The following CRTC3 variants were observed in gnomAD, a reference collection of about 807,000 sequenced individuals.
CRTC3 encodes the protein CREB regulated transcription coactivator 3.
Under a neutral mutation model 74.5 loss-of-function variants are expected in CRTC3, and 26 were observed. The observed-to-expected ratio is 0.35, with a 90% CI of 0.26 to 0.48. CRTC3 has a LOEUF of 0.48. Among genes scored for constraint, CRTC3 ranks in the 20% least tolerant of loss-of-function variants. The pLI, the probability that CRTC3 is intolerant of heterozygous loss-of-function variation, is 0.99. For synonymous variants in CRTC3, 377 were observed against 325.8 expected (o/e 1.16, Z -1.69); for missense variants, 760 against 787.3 (o/e 0.97, Z 0.41).
chr15:90,592,998 C>T (rs555965748), intron 2 of CRTC3, among the ~76,000 whole-genome samples: 6 of 152,056 alleles, frequency 3.9e-5, no homozygotes, highest in Middle Eastern at 3.2e-3. Context: ...ACTAAAAATA[C>T]AAAAATTAGC....
At chr15:90,592,684 A>G (rs575999618) in intron 2 of CRTC3, among the ~76,000 whole-genome samples, 1 of 152,322 alleles carries the variant, frequency 6.6e-6, no homozygotes, top group East Asian at 1.9e-4. Context: ...TTTACATAGC[A>G]TTCCTTTTTT....
chr15:90,590,029 G>A (rs1238943313), intron 2 of CRTC3, among the ~76,000 whole-genome samples: 5 of 151,288 alleles, frequency 3.3e-5, no homozygotes, highest in African/African-American at 1.2e-4. Context: ...AGTGGCTCAT[G>A]CCTGTAATCC....
At chr15:90,539,673 A>G in intron 1 of CRTC3, 2 of 263,076 alleles carry the variant, frequency 7.6e-6, no homozygotes, top group Non-Finnish European at 1.5e-5. Flanking sequence ...GGAAAAGAGC[A>G]TGAAGAAGGG....
At chr15:90,604,756 G>T (rs1968171921) in intron 5 of CRTC3, among the ~76,000 whole-genome samples, 1 of 152,114 alleles carries the variant, frequency 6.6e-6, no homozygotes, top group African/African-American at 2.4e-5. Context: ...GGTTGTGAGG[G>T]TTGAATAAGA....
chr15:90,593,609 C>T, intron 2 of CRTC3, 27 bp from the exon 3 acceptor site: 1 of 1,587,734 alleles, frequency 6.3e-7, no homozygotes, highest in Non-Finnish European at 8.6e-7. Context: ...TGGTTGGAGG[C>T]CAACTCTTCT....
chr15:90,587,778 A>C (rs1435896159), intron 2 of CRTC3, among the ~76,000 whole-genome samples: 1 of 151,878 alleles, frequency 6.6e-6, no homozygotes, highest in African/African-American at 2.4e-5. Context: ...CACACCTGAC[A>C]AATTTTTGTA....
chr15:90,629,834 C>A (rs1237505257), intron 11 of CRTC3, among the ~76,000 whole-genome samples: 1 of 152,160 alleles, frequency 6.6e-6, no homozygotes, highest in Non-Finnish European at 1.5e-5. Context: ...GCGATCTTCT[C>A]ACCTTAGTCT....
intron 6 of CRTC3, 82 bp from the exon 7 acceptor site, chr15:90,614,369 TAA>T: frequency 1.0e-6 from 1 of 992,162 alleles, no homozygotes; most frequent in South Asian, 1.5e-5. Context: ...TTTCAAATCA[TAA>T]AGAGTTACTG....
intron 11 of CRTC3, among the ~76,000 whole-genome samples, chr15:90,633,668 A>G (rs1969124471): frequency 6.6e-6 from 1 of 151,544 alleles, no homozygotes; most frequent in Non-Finnish European, 1.5e-5. Flanking sequence ...AATGTTCTTT[A>G]TTTCTTCAAT....
intron 3 of CRTC3, among the ~76,000 whole-genome samples, chr15:90,597,376 A>G (rs1967953982): frequency 6.6e-6 from 1 of 152,244 alleles, no homozygotes; most frequent in Admixed American, 6.5e-5. Flanking sequence ...GGAAACACGA[A>G]ATGCCTTCCT....
chr15:90,617,034 C>T (rs149101996), intron 7 of CRTC3, among the ~76,000 whole-genome samples: 355 of 152,304 alleles, frequency 2.3e-3, no homozygotes, highest in African/African-American at 8.1e-3. Context: ...CCTGCAGAGC[C>T]CCCCTGCCCT....
At chr15:90,571,114 T>C (rs1004403693) in intron 2 of CRTC3, among the ~76,000 whole-genome samples, 21 of 152,242 alleles carry the variant, frequency 1.4e-4, no homozygotes, top group Admixed American at 2.6e-4. Flanking sequence ...ACACTGCGTG[T>C]CAGACACAAT....
chr15:90,630,374 G>GTTGAGGATTATATCTCTTAT (rs1968993086), intron 11 of CRTC3, among the ~76,000 whole-genome samples: 1 of 152,220 alleles, frequency 6.6e-6, no homozygotes, highest in African/African-American at 2.4e-5. Flanking sequence ...TGCTAAGTAT[G>GTTGAGGATTATATCTCTTAT]TTGAGGATTA....
intron 7 of CRTC3, among the ~76,000 whole-genome samples, chr15:90,617,271 G>A (rs748600337): frequency 5.9e-5 from 9 of 152,028 alleles, no homozygotes; most frequent in East Asian, 1.9e-4. Context: ...GCTTCCACTC[G>A]TTTTTTCCTT....
intron 2 of CRTC3, among the ~76,000 whole-genome samples, chr15:90,545,084 G>A (rs1015854687): frequency 2.6e-5 from 4 of 152,126 alleles, no homozygotes; most frequent in African/African-American, 7.2e-5. Context: ...CCTCATATGA[G>A]GGAAATCATA....
intron 10 of CRTC3, 152 bp from the exon 11 acceptor site, chr15:90,629,082 A>G (rs1968940935): frequency 3.0e-6 from 2 of 668,562 alleles, no homozygotes; most frequent in Non-Finnish European, 5.0e-6. Flanking sequence ...CCATTGGTGC[A>G]TCGGATGCAG....
chr15:90,603,306 G>A (rs1313918416), intron 4 of CRTC3, among the ~76,000 whole-genome samples: 8 of 149,708 alleles, frequency 5.3e-5, no homozygotes, highest in African/African-American at 1.2e-4. Context: ...AGCCGGGCGT[G>A]GTGGCAGGCG....
At position 90,560,064 on chromosome 15, in the gene CRTC3, G is replaced by T. The variant is rs567418581; in HGVS notation, c.231+19927G>T. On this transcript the variant is annotated intron_variant, in intron 2 of 14. Coordinates refer to ENST00000268184, the MANE Select transcript of CRTC3 (RefSeq NM_022769.5). ...TCTTCGAATGTTAGAGATACATGTT[G>T]TCTTATATGTTATAAATAGCTTTCC... 1.1e-4 allele frequency among the ~76,000 whole-genome samples: 16 copies of T among 152,116 alleles called. No individual in the cohort carries two copies. In the East Asian group the frequency reaches 2.9e-3, roughly 27 times the overall value.
chr15:90,588,178 C>T (rs1245440739), intron 2 of CRTC3, among the ~76,000 whole-genome samples: 4 of 151,224 alleles, frequency 2.6e-5, no homozygotes, highest in Non-Finnish European at 2.9e-5. Flanking sequence ...GAGAATTGCT[C>T]GAACTTGGGA....
Sources: gnomAD v4.1 joint callset for allele counts (sites outside exome capture counted in the v4.1 genomes callset) on GRCh38, gnomAD v4.1.1 for gene constraint, MANE v1.5 for transcripts, NCBI Gene and HGNC (gene_info 2026-07-23, HGNC 2026-07-21) for gene names.